The following NME8 variants were observed in gnomAD, a reference collection of about 807,000 sequenced individuals.
NME8 encodes NME/NM23 family member 8.
A neutral mutation model predicts 82.3 loss-of-function variants in NME8; 72 were observed. The ratio of observed to expected loss-of-function variants is 0.87; its 90% CI spans 0.72 to 1.06. The LOEUF (loss-of-function observed/expected upper bound fraction) is 1.06. Among genes scored for constraint, NME8 ranks in the 50% least tolerant of loss-of-function variants. NME8 has a pLI of 0.00. For synonymous variants in NME8, 267 were observed against 228.5 expected, an observed-to-expected ratio of 1.17 and a Z score of -1.52; for missense variants, 712 against 685.4, an observed-to-expected ratio of 1.04 and a Z score of -0.43.
In NME8 at chr7:37,863,867, T is replaced by C. The variant is rs191400353; in HGVS notation, c.454+405T>C. On this transcript the variant is annotated intron_variant, in intron 8 of 17. Coordinates refer to ENST00000199447, the MANE Select transcript of NME8 (RefSeq NM_016616.5). ...GATTATCTGCATTGGGGTAGTGGGG[T>C]GTATGTGTTCATACTCTGGAGGGAG... Among the ~76,000 whole-genome samples the C allele has an allele frequency of 1.2e-3, 186 of 152,316 alleles. 2 individuals carry two copies. The highest frequency in any genetic ancestry group is 4.4e-3 in the African/African-American group (182 of 41,592).
intron 11 of NME8, among the ~76,000 whole-genome samples, chr7:37,870,709 C>T (rs1030869146): frequency 6.6e-6 from 1 of 152,096 alleles, no homozygotes; most frequent in Non-Finnish European, 1.5e-5. Flanking sequence ...TTCTGAACCT[C>T]ATTGCAGGGT....
At chr7:37,891,732 A>G (rs1167894243) in intron 15 of NME8, among the ~76,000 whole-genome samples, 1 of 151,952 alleles carries the variant, frequency 6.6e-6, no homozygotes, top group Non-Finnish European at 1.5e-5. Flanking sequence ...TTATCACTAG[A>G]GACAGAAACT....
chr7:37,870,941 TC>T (rs1396030027), intron 11 of NME8, among the ~76,000 whole-genome samples: 1 of 152,174 alleles, frequency 6.6e-6, no homozygotes, highest in African/African-American at 2.4e-5. Context: ...CCATGTGACA[TC>T]TTTCAAGTAG....
Position 37,896,914 on chromosome 7 carries a change from C to T in NME8, c.1589C>T (p.Ala530Val), listed in dbSNP as rs372034141. ...VMILTKWNAVAEWRRLMGPTD... is the reference protein window; with the variant it reads ...VMILTKWNAVVEWRRLMGPTD... ...ATTCTGACCAAGTGGAATGCTGTTG[C>T]AGAATGGAGACGATTGATGGGCCCA... is the stretch of plus-strand genomic sequence containing the variant. The change falls in exon 17 of 18, where the codon GCA becomes GTA. Residue 530 changes from alanine (A) to valine (V), a missense_variant. Physicochemically the swap from Ala to Val is moderately conservative, Grantham distance 64. Transcript: ENST00000199447. The T allele has an allele frequency of 1.2e-6, 2 of 1,613,782 alleles. No individual in the cohort carries two copies. Among genetic ancestry groups the T allele is most frequent in the East Asian group, 2.2e-5 (1 of 44,850 alleles).
chr7:37,873,741 T>C (rs1784807180), intron 11 of NME8, among the ~76,000 whole-genome samples: 1 of 152,248 alleles, frequency 6.6e-6, no homozygotes, highest in African/African-American at 2.4e-5. Flanking sequence ...TACAGCACAC[T>C]ACTTATGAAA....
rs928939988 is a variant in NME8 at position 37,855,497 on chromosome 7, T to A, written c.199-1777T>A. Among the ~76,000 whole-genome samples the A allele has an allele frequency of 3.9e-5, 5 of 128,088 alleles. No individual in the cohort carries two copies. In the East Asian group the frequency reaches 1.1e-3, roughly 28 times the overall value. The allele number at this position is 128,088 out of a possible 152,430, so 84.0% of individuals were successfully genotyped here. On this transcript the variant is annotated intron_variant, in intron 5 of 17. Coordinates refer to ENST00000199447, the MANE Select transcript of NME8 (RefSeq NM_016616.5). ...CTCTTCTTTACTAAATAACGAACTT[T>A]GCGGCATTCCCCTCCCCCCACCAAA...
chr7:37,860,583 C>T (rs1382237814), intron 6 of NME8, among the ~76,000 whole-genome samples: 3 of 152,164 alleles, frequency 2.0e-5, no homozygotes, highest in Admixed American at 6.6e-5. Flanking sequence ...CTTTATTCCA[C>T]GATTAAATAT....
At chr7:37,887,529 T>C (rs1254870524) in intron 14 of NME8, among the ~76,000 whole-genome samples, 1 of 152,112 alleles carries the variant, frequency 6.6e-6, no homozygotes, top group African/African-American at 2.4e-5. Flanking sequence ...GGTTTTATTG[T>C]TGTATTTATA....
intron 12 of NME8, among the ~76,000 whole-genome samples, chr7:37,883,853 A>G (rs970917246): frequency 1.3e-5 from 2 of 152,196 alleles, no homozygotes; most frequent in Non-Finnish European, 2.9e-5. Flanking sequence ...CAGGTATTCA[A>G]TCACCTTGTT....
chr7:37,888,171 T>C (rs1428406561), intron 14 of NME8, 106 bp from the exon 15 acceptor site: 3 of 1,146,532 alleles, frequency 2.6e-6, no homozygotes, highest in Non-Finnish European at 3.9e-6. Context: ...TGTCAAGATC[T>C]GGAATTATTT....
intron 6 of NME8, among the ~76,000 whole-genome samples, chr7:37,860,805 C>T (rs977322027): frequency 1.3e-5 from 2 of 152,192 alleles, no homozygotes; most frequent in Non-Finnish European, 2.9e-5. Context: ...ATCTTCCTCC[C>T]CACAAAACAC....
intron 17 of NME8, among the ~76,000 whole-genome samples, chr7:37,897,585 G>A (rs1303512734): frequency 1.3e-5 from 2 of 152,068 alleles, no homozygotes; most frequent in South Asian, 2.1e-4. Flanking sequence ...TGCGCAGAAC[G>A]TGCAGGTTTG....
At chr7:37,857,768 AAAG>A (rs893810031) in intron 6 of NME8, among the ~76,000 whole-genome samples, 6 of 152,362 alleles carry the variant, frequency 3.9e-5, no homozygotes, top group African/African-American at 1.4e-4. Flanking sequence ...CTATATTTAT[AAAG>A]AAGAAAGCAA....
At chr7:37,880,196 A>G (rs894131352) in intron 12 of NME8, among the ~76,000 whole-genome samples, 1 of 152,008 alleles carries the variant, frequency 6.6e-6, no homozygotes, top group Non-Finnish European at 1.5e-5. Context: ...AAAAGTCTTT[A>G]TTTTTAATTT....
intron 12 of NME8, among the ~76,000 whole-genome samples, chr7:37,882,106 A>C (rs1012219307): frequency 6.6e-6 from 1 of 152,172 alleles, no homozygotes; most frequent in Non-Finnish European, 1.5e-5. Flanking sequence ...GATTGTATAG[A>C]TATCTAAGAA....
In NME8 at chr7:37,870,056, A is replaced by G. The variant is rs142613252; in HGVS notation, c.818+2158A>G. ...CAAGTTAATTTCTGTGCGTTGGTCC[A>G]TTCATTCTCCCTCGTCATCCTTTAC... On this transcript the variant is annotated intron_variant, in intron 11 of 17. Transcript: ENST00000199447. Among the ~76,000 whole-genome samples the G allele has an allele frequency of 2.1e-3, 315 of 152,260 alleles. 2 individuals carry two copies. Among genetic ancestry groups the G allele is most frequent in the African/African-American group, 7.2e-3 (299 of 41,540 alleles).
intron 12 of NME8, among the ~76,000 whole-genome samples, chr7:37,882,604 AGAGAGAGAGAG>A (rs1330961520): frequency 5.7e-4 from 30 of 52,500 alleles, no homozygotes; most frequent in Non-Finnish European, 1.4e-3. Context: ...AGAAAGAGAG[AGAGAGAGAGAG>A]AAAGAAAGAA....
intron 7 of NME8, 138 bp from the exon 8 acceptor site, chr7:37,863,258 T>A: frequency 1.6e-6 from 1 of 631,492 alleles, no homozygotes; most frequent in Non-Finnish European, 2.8e-6. Context: ...TAATGTTAGA[T>A]AAGTTCAGGA....
intron 12 of NME8, among the ~76,000 whole-genome samples, chr7:37,878,655 T>C (rs925529308): frequency 3.3e-5 from 5 of 152,206 alleles, no homozygotes; most frequent in Non-Finnish European, 7.3e-5. Flanking sequence ...GACAATATTT[T>C]CAAATACATG....
Sources: gnomAD v4.1 joint callset for allele counts (sites outside exome capture counted in the v4.1 genomes callset) on GRCh38, gnomAD v4.1.1 for gene constraint, MANE v1.5 for transcripts, NCBI Gene and HGNC (gene_info 2026-07-23, HGNC 2026-07-21) for gene names.